The following RBFOX1 variants were observed in gnomAD, a reference collection of about 807,000 sequenced individuals.
RBFOX1 encodes RNA binding protein fox-1 homolog 1.
Under a neutral mutation model 57.7 loss-of-function variants are expected in RBFOX1, and 8 were observed. The observed-to-expected ratio is 0.14, with a 90% confidence interval of 0.08 to 0.25. The LOEUF is 0.25. Among genes scored for constraint, RBFOX1 ranks in the 10% least tolerant of loss-of-function variants. The pLI is 1.00. For synonymous variants in RBFOX1, 326 were observed against 222.4 expected, an observed-to-expected ratio of 1.47 and a Z score of -4.15; for missense variants, 611 against 548.5, an observed-to-expected ratio of 1.11 and a Z score of -1.14.
intron 2 of RBFOX1, among the ~76,000 whole-genome samples, chr16:6,536,271 G>C (rs1420058): frequency 0.52 from 78,832 of 151,938 alleles, 20,619 homozygotes; most frequent in African/African-American, 0.56. Flanking sequence ...AAGAGTCTTT[G>C]AATACTTTCC....
At chr16:6,841,603 T>C (rs1189609530) in intron 3 of RBFOX1, among the ~76,000 whole-genome samples, 1 of 152,120 alleles carries the variant, frequency 6.6e-6, no homozygotes, top group African/African-American at 2.4e-5. Flanking sequence ...GAAGAGCTAA[T>C]TTTACTCTCA....
At chr16:7,395,516 T>G (rs568084850) in intron 4 of RBFOX1, among the ~76,000 whole-genome samples, 1 of 152,218 alleles carries the variant, frequency 6.6e-6, no homozygotes, top group Admixed American at 6.5e-5. Flanking sequence ...GACGGAATAC[T>G]AAATCTCTTG....
chr16:5,920,408 G>C (rs2058796159), intron 4 of RBFOX1, among the ~76,000 whole-genome samples: 1 of 152,130 alleles, frequency 6.6e-6, no homozygotes, highest in African/African-American at 2.4e-5. Context: ...GCTGCTCTTA[G>C]CGTTTGTGTA....
At chr16:5,408,029 C>A (rs1229227201) in intron 1 of RBFOX1, among the ~76,000 whole-genome samples, 1 of 152,212 alleles carries the variant, frequency 6.6e-6, no homozygotes, top group Non-Finnish European at 1.5e-5. Flanking sequence ...CTGTGTGGCC[C>A]CTGCTGAGGG....
intron 3 of RBFOX1, among the ~76,000 whole-genome samples, chr16:5,834,275 C>T (rs79876392): frequency 6.6e-6 from 1 of 152,118 alleles, no homozygotes; most frequent in East Asian, 1.9e-4. Flanking sequence ...TTCTGAGTCT[C>T]CAATGTCCAC....
intron 1 of RBFOX1, among the ~76,000 whole-genome samples, chr16:6,131,896 G>C (rs1163138579): frequency 6.6e-6 from 1 of 152,122 alleles, no homozygotes; most frequent in Non-Finnish European, 1.5e-5. Context: ...TAGGATGAAG[G>C]AAAAATTCAC....
At chr16:7,063,389 C>A (rs966360652) in intron 4 of RBFOX1, among the ~76,000 whole-genome samples, 1 of 152,054 alleles carries the variant, frequency 6.6e-6, no homozygotes, top group African/African-American at 2.4e-5. Flanking sequence ...TGTGATGTTA[C>A]GGGATCATCA....
intron 10 of RBFOX1, among the ~76,000 whole-genome samples, chr16:7,622,651 G>A (rs1377454907): frequency 6.6e-6 from 1 of 151,878 alleles, no homozygotes; most frequent in Non-Finnish European, 1.5e-5. Context: ...GAAAACCAAA[G>A]CTTATGAAAA....
At chr16:6,473,794 T>C (rs2095229760) in intron 2 of RBFOX1, among the ~76,000 whole-genome samples, 1 of 152,180 alleles carries the variant, frequency 6.6e-6, no homozygotes, top group African/African-American at 2.4e-5. Context: ...GTGGGGAAGC[T>C]GCAGATGGGC....
intron 4 of RBFOX1, among the ~76,000 whole-genome samples, chr16:7,510,687 C>A (rs966184009): frequency 6.6e-6 from 1 of 152,182 alleles, no homozygotes; most frequent in African/African-American, 2.4e-5. Flanking sequence ...TCTGAATATG[C>A]GCGATTTCTT....
chr16:5,685,676 A>G (rs1292574867), intron 3 of RBFOX1, among the ~76,000 whole-genome samples: 1 of 152,222 alleles, frequency 6.6e-6, no homozygotes, highest in Non-Finnish European at 1.5e-5. Flanking sequence ...AGCTGAGGCC[A>G]TCTCATCCTA....
intron 4 of RBFOX1, among the ~76,000 whole-genome samples, chr16:7,189,461 G>A (rs1329576160): frequency 1.5e-5 from 2 of 135,210 alleles, no homozygotes; most frequent in Admixed American, 7.4e-5. Flanking sequence ...AATCCTCAAT[G>A]GATAGAATCC....
intron 3 of RBFOX1, among the ~76,000 whole-genome samples, chr16:6,801,334 C>T (rs114441722): frequency 0.018 from 2,782 of 152,068 alleles, 88 homozygotes; most frequent in African/African-American, 0.064. Flanking sequence ...CCATACAAGG[C>T]TCTTGGTAAT....
At position 6,765,169 on chromosome 16, in the gene RBFOX1, G is replaced by C. The variant is rs554799472; in HGVS notation, c.-16+110519G>C. On this transcript the variant is annotated intron_variant, in intron 3 of 15. Transcript: ENST00000550418. ...CTGTGAACAGTTTACCTTGCATGAG[G>C]CTCTGAATGCAGCACGTGGTAAGGG... Among the ~76,000 whole-genome samples the C allele has an allele frequency of 5.5e-4, 83 of 152,078 alleles. 1 individual carries two copies. Among genetic ancestry groups the C allele is most frequent in the Non-Finnish European group, 9.8e-4 (67 of 68,028 alleles).
At chr16:6,362,329 C>G (rs1452079938) in intron 2 of RBFOX1, among the ~76,000 whole-genome samples, 1 of 152,104 alleles carries the variant, frequency 6.6e-6, no homozygotes, top group Non-Finnish European at 1.5e-5. Flanking sequence ...AAACTTGTAA[C>G]CAAAGGCAAA....
chr16:7,095,809 G>C lies in RBFOX1; in HGVS notation c.27+43711G>C, dbSNP rs146981258. Among the ~76,000 whole-genome samples the C allele has an allele frequency of 4.5e-3, 688 of 152,184 alleles. 5 individuals are homozygous for C. Among genetic ancestry groups the C allele is most frequent in the African/African-American group, 0.015 (638 of 41,516 alleles). On this transcript the variant is annotated intron_variant, in intron 4 of 15. Coordinates refer to ENST00000550418, the MANE Select transcript of RBFOX1 (RefSeq NM_018723.4). ...AGACCGATCATGAGGTCAGGAGATC[G>C]AGACCATCCTGGCTAACACGGTGAA... is the stretch of plus-strand genomic sequence containing the variant.
At chr16:5,598,690 A>T (rs971851779) in intron 2 of RBFOX1, among the ~76,000 whole-genome samples, 1 of 152,188 alleles carries the variant, frequency 6.6e-6, no homozygotes, top group African/African-American at 2.4e-5. Context: ...GAGACTAGCC[A>T]CGGGGCTTTG....
intron 3 of RBFOX1, among the ~76,000 whole-genome samples, chr16:5,641,849 C>T (rs2048885815): frequency 6.6e-6 from 1 of 152,194 alleles, no homozygotes; most frequent in Non-Finnish European, 1.5e-5. Flanking sequence ...CATCACAGAG[C>T]AGGGGCCATT....
At chr16:6,567,986 A>C (rs1388370365) in intron 2 of RBFOX1, among the ~76,000 whole-genome samples, 3 of 151,974 alleles carry the variant, frequency 2.0e-5, no homozygotes, top group Non-Finnish European at 4.4e-5. Flanking sequence ...ATGCCAGGCT[A>C]ATTATTTAAA....
Sources: gnomAD v4.1 joint callset for allele counts (sites outside exome capture counted in the v4.1 genomes callset) on GRCh38, gnomAD v4.1.1 for gene constraint, MANE v1.5 for transcripts, NCBI Gene and HGNC (gene_info 2026-07-23, HGNC 2026-07-21) for gene names.